Variants in TRAPPC9 observed in about 807,000 individuals in gnomAD.
TRAPPC9 encodes the protein IKK2 binding protein.
In TRAPPC9, 83 loss-of-function variants were observed where a neutral mutation model predicts 124.0. The ratio of observed to expected loss-of-function variants is 0.67; its 90% CI spans 0.56 to 0.80. TRAPPC9 has a LOEUF of 0.80. Ranked by LOEUF, TRAPPC9 falls within the 30% of genes least tolerant of loss-of-function variation. The probability of loss-of-function intolerance (pLI) is 0.00; values close to 1 mark genes in which losing one functional copy is unlikely to be tolerated. For missense variants in TRAPPC9, 1,302 were observed against 1,508.3 expected (o/e 0.86, Z 2.27); for synonymous variants, 638 against 617.5 (o/e 1.03, Z -0.49).
chr8:139,775,283 T>C (rs1302016763), intron 21 of TRAPPC9, among the ~76,000 whole-genome samples: 1 of 152,206 alleles, frequency 6.6e-6, no homozygotes, highest in Non-Finnish European at 1.5e-5. Context: ...GTGAGTTCTC[T>C]TTGCTTGCTT....
At chr8:140,055,547 T>C (rs543899858) in intron 17 of TRAPPC9, among the ~76,000 whole-genome samples, 1 of 152,188 alleles carries the variant, frequency 6.6e-6, no homozygotes. Context: ...AGCAAACAAA[T>C]AAAAGGCATC....
chr8:139,880,141 A>G (rs549235237), intron 21 of TRAPPC9, among the ~76,000 whole-genome samples: 7 of 152,318 alleles, frequency 4.6e-5, no homozygotes, highest in Admixed American at 2.6e-4. Flanking sequence ...GAAAACCCCC[A>G]CATGGCTTCT....
chr8:140,361,527 T>A (rs184264217), intron 8 of TRAPPC9, among the ~76,000 whole-genome samples: 1 of 152,342 alleles, frequency 6.6e-6, no homozygotes, highest in Non-Finnish European at 1.5e-5. Context: ...TTAAAGCACT[T>A]CAGCAGTTTA....
chr8:140,362,418 T>C (rs1366818344), intron 8 of TRAPPC9, among the ~76,000 whole-genome samples: 2 of 152,200 alleles, frequency 1.3e-5, no homozygotes, highest in Non-Finnish European at 2.9e-5. Context: ...TGATTTAATC[T>C]GGGCAATGGA....
chr8:139,838,495 G>A (rs1351084244), intron 21 of TRAPPC9, among the ~76,000 whole-genome samples: 1 of 152,250 alleles, frequency 6.6e-6, no homozygotes. Flanking sequence ...CCTGGGCCAT[G>A]GAAGGGCCCT....
intron 11 of TRAPPC9, among the ~76,000 whole-genome samples, chr8:140,298,578 G>A (rs1172678216): frequency 6.6e-6 from 1 of 152,164 alleles, no homozygotes; most frequent in Non-Finnish European, 1.5e-5. Flanking sequence ...ACTGAGCCCA[G>A]GAGGTTGAGG....
intron 17 of TRAPPC9, among the ~76,000 whole-genome samples, chr8:140,124,157 G>A (rs2061038550): frequency 6.6e-6 from 1 of 152,206 alleles, no homozygotes; most frequent in Admixed American, 6.5e-5. Flanking sequence ...CATATTTAGT[G>A]GCTTAAAACA....
At chr8:140,438,946 T>C in intron 3 of TRAPPC9, 106 bp downstream of exon 3, 1 of 1,463,490 alleles carries the variant, frequency 6.8e-7, no homozygotes, top group East Asian at 2.3e-5. Flanking sequence ...TGCCGTAGCC[T>C]CCCAAAGTGC....
rs570150340 is a variant in TRAPPC9, at chr8:140,364,074, G to C, written c.1352-3881C>G. ...GAAATGGCATCCAGCTGTGACCTGA[G>C]GATGACCGGGAGTGAGGCAGGAAGG... On this transcript the variant is annotated intron_variant, in intron 8 of 22. Transcript: ENST00000438773. Among the ~76,000 whole-genome samples the C allele has an allele frequency of 1.0e-3, 152 of 152,270 alleles. 1 individual carries two copies. The highest frequency in any genetic ancestry group is 3.6e-3 in the African/African-American group (150 of 41,558).
At chr8:139,870,434 G>A (rs1466935406) in intron 21 of TRAPPC9, among the ~76,000 whole-genome samples, 1 of 152,208 alleles carries the variant, frequency 6.6e-6, no homozygotes, top group Non-Finnish European at 1.5e-5. Context: ...ATCATACAGT[G>A]CGACTCACTC....
Position 140,451,249 on chromosome 8 carries a change from C to T in TRAPPC9, c.125G>A (p.Ser42Asn), listed in dbSNP as rs754644350. The T allele has an allele frequency of 3.7e-5, 60 of 1,613,606 alleles. No individual in the cohort carries two copies. The Admixed American group carries it at 1.0e-3, about 27-fold the overall frequency. Reference sequence around the variant, plus strand: ...CTGGGAGTCCCGCACGCTGATCTGACTCACAGAGCAAATCCTCTTATAGAT... The same window carrying T: ...CTGGGAGTCCCGCACGCTGATCTGATTCACAGAGCAAATCCTCTTATAGAT... Reference protein sequence around the residue: ...FRIYKRICSVSQISVRDSQRV... With the variant: ...FRIYKRICSVNQISVRDSQRV... The change falls in exon 2 of 23, where the codon AGT becomes AAT. Residue 42 changes from serine (S) to asparagine (N), a missense_variant. Physicochemically the swap from Ser to Asn is conservative, Grantham distance 46. This residue lies in a region of TRAPPC9 where 657 missense variants were observed against 811.2 expected (regional missense o/e 0.81). Coordinates refer to ENST00000438773, the MANE Select transcript of TRAPPC9 (RefSeq NM_001160372.4).
intron 16 of TRAPPC9, among the ~76,000 whole-genome samples, chr8:140,232,894 A>C (rs1010822264): frequency 2.0e-5 from 3 of 152,228 alleles, no homozygotes; most frequent in African/African-American, 7.2e-5. Context: ...TAATAAAGGA[A>C]GAATGGTGGT....
chr8:140,284,154 C>T (rs1038859258), intron 13 of TRAPPC9, 133 bp from the exon 14 acceptor site: 124 of 1,154,216 alleles, frequency 1.1e-4, no homozygotes, highest in Middle Eastern at 2.8e-4. Context: ...GGCCCGCCGG[C>T]GCTCACCCAC....
chr8:140,056,262 T>C (rs550860503), intron 17 of TRAPPC9, among the ~76,000 whole-genome samples: 6 of 150,786 alleles, frequency 4.0e-5, no homozygotes, highest in Middle Eastern at 3.4e-3. Flanking sequence ...AAAAAAAAAA[T>C]TGCCAGGTGT....
intron 16 of TRAPPC9, among the ~76,000 whole-genome samples, chr8:140,244,584 T>C (rs1160409866): frequency 6.6e-6 from 1 of 152,104 alleles, no homozygotes; most frequent in Non-Finnish European, 1.5e-5. Flanking sequence ...GACACATCAA[T>C]CCCAATAAAA....
chr8:140,155,554 T>C (rs2061614039), intron 17 of TRAPPC9, among the ~76,000 whole-genome samples: 1 of 152,172 alleles, frequency 6.6e-6, no homozygotes, highest in African/African-American at 2.4e-5. Flanking sequence ...TCGCAGATGA[T>C]CACACAGGCG....
chr8:140,138,110 G>A (rs1292839025), intron 17 of TRAPPC9, among the ~76,000 whole-genome samples: 3 of 152,202 alleles, frequency 2.0e-5, no homozygotes, highest in African/African-American at 7.2e-5. Flanking sequence ...AGATCAGCCT[G>A]ACCAACATGG....
At position 140,252,493 on chromosome 8, in the gene TRAPPC9, G is replaced by A. The variant is rs754217462; in HGVS notation, c.2431+284C>T. 22 of 369,850 alleles carry A rather than the reference G, an allele frequency of 5.9e-5. No homozygotes were observed. The highest frequency in any genetic ancestry group is 1.1e-4 in the Non-Finnish European group (21 of 197,288). 22.9% of individuals were successfully genotyped at this position (369,850 alleles called of 1,614,324 possible). A position where few individuals can be genotyped will look rare whatever the true frequency, so the allele number is the denominator to read the frequency against. On this transcript the variant is annotated intron_variant, in intron 16 of 22. Transcript: ENST00000438773. The surrounding 1 kb of genome is among the most constrained non-coding windows in gnomAD (Gnocchi z 4.2). ...TCACAGCAGTTATACTTGAAAAAAC[G>A]CAGTAATTCCTACATTCCACTAATT...
At chr8:140,126,032 A>G (rs2061090605) in intron 17 of TRAPPC9, among the ~76,000 whole-genome samples, 1 of 152,114 alleles carries the variant, frequency 6.6e-6, no homozygotes, top group Non-Finnish European at 1.5e-5. Context: ...TCGGCCTCCC[A>G]AAGTGCTGGG....
Sources: allele counts gnomAD v4.1 joint callset (sites outside exome capture counted in the v4.1 genomes callset), GRCh38; gene constraint gnomAD v4.1.1; regional missense constraint gnomAD v4.1.1; non-coding constraint Gnocchi (gnomAD v3.1); transcripts MANE v1.5; gene names NCBI Gene and HGNC (gene_info 2026-07-23, HGNC 2026-07-21).